LMO7: variants seen among roughly 807,000 people sequenced by gnomAD.
LMO7 encodes the protein LIM domain only protein 7.
In LMO7, 120 loss-of-function variants were observed where a neutral mutation model predicts 206.5. The observed-to-expected ratio is 0.58, with a 90% CI of 0.50 to 0.68. The LOEUF is 0.68. Ranked by LOEUF, LMO7 falls within the 30% of genes least tolerant of loss-of-function variation. The probability of loss-of-function intolerance (pLI) is 0.00; values close to 1 mark genes in which losing one functional copy is unlikely to be tolerated. For synonymous variants in LMO7, 706 were observed against 681.5 expected (o/e 1.04, Z -0.56); for missense variants, 1,959 against 1,957.9 (o/e 1.00, Z -0.01).
intron 11 of LMO7, among the ~76,000 whole-genome samples, chr13:75,815,991 C>G (rs560164737): frequency 6.6e-6 from 1 of 152,228 alleles, no homozygotes; most frequent in Non-Finnish European, 1.5e-5. Context: ...AAAATCCCTT[C>G]TAGATATTAT....
chr13:75,681,723 T>TATATATATATATAC (rs1296797184), intron 1 of LMO7, among the ~76,000 whole-genome samples: 2 of 100,100 alleles, frequency 2.0e-5, no homozygotes, highest in Admixed American at 2.0e-4. Context: ...TATATGTATA[T>TATATATATATATAC]ATATATATAT....
chr13:75,850,187 A>C (rs943577618), intron 27 of LMO7, among the ~76,000 whole-genome samples: 1 of 152,224 alleles, frequency 6.6e-6, no homozygotes, highest in Non-Finnish European at 1.5e-5. Flanking sequence ...AAGCCAATAA[A>C]CACAAAACAT....
chr13:75,816,220 G>A (rs1035254006), intron 11 of LMO7, among the ~76,000 whole-genome samples: 2 of 152,176 alleles, frequency 1.3e-5, no homozygotes, highest in South Asian at 4.1e-4. Flanking sequence ...GCAACATCTT[G>A]GAAGGCAAAA....
chr13:75,636,138 G>A (rs1349909872), upstream of LMO7: 2 of 232,128 alleles, frequency 8.6e-6, no homozygotes, highest in Non-Finnish European at 1.4e-5. Context: ...CCCGGGCCGC[G>A]GCCCCTGGCG....
chr13:75,769,894 T>C (rs1343538496), intron 4 of LMO7, among the ~76,000 whole-genome samples: 4 of 152,124 alleles, frequency 2.6e-5, no homozygotes, highest in Non-Finnish European at 5.9e-5. Flanking sequence ...TTTACTGAGA[T>C]ATGGAGAAAA....
intron 15 of LMO7, among the ~76,000 whole-genome samples, chr13:75,825,444 T>C (rs1047946395): frequency 1.3e-5 from 2 of 152,198 alleles, no homozygotes; most frequent in Non-Finnish European, 1.5e-5. Flanking sequence ...GAAAAGAGGC[T>C]AAGTGTGGTG....
intron 27 of LMO7, among the ~76,000 whole-genome samples, chr13:75,851,470 C>T (rs1190657530): frequency 3.3e-5 from 5 of 152,140 alleles, no homozygotes; most frequent in African/African-American, 9.7e-5. Context: ...GCAGGTGAGT[C>T]GTGAGACAGG....
chr13:75,625,163 A>G (rs2138687504), intron 2 of LMO7, among the ~76,000 whole-genome samples: 1 of 152,346 alleles, frequency 6.6e-6, no homozygotes, highest in East Asian at 1.9e-4. Context: ...TGGACAGTCT[A>G]AACACATAAT....
At chr13:75,818,228 A>G (rs924452060) in intron 12 of LMO7, among the ~76,000 whole-genome samples, 3 of 152,204 alleles carry the variant, frequency 2.0e-5, no homozygotes, top group African/African-American at 7.2e-5. Context: ...ATTAGGTTAA[A>G]TCAGATAAAA....
intron 1 of LMO7, among the ~76,000 whole-genome samples, chr13:75,638,702 G>T (rs1041699547): frequency 6.6e-6 from 1 of 152,068 alleles, no homozygotes; most frequent in African/African-American, 2.4e-5. Context: ...CACTGTTAGG[G>T]CTATTTTGTT....
chr13:75,651,765 C>G (rs1176565211), intron 1 of LMO7, among the ~76,000 whole-genome samples: 1 of 152,100 alleles, frequency 6.6e-6, no homozygotes, highest in Non-Finnish European at 1.5e-5. Context: ...CCACATTTGA[C>G]CTTGTCTGGG....
intron 6 of LMO7, among the ~76,000 whole-genome samples, chr13:75,798,107 AT>A (rs1335365724): frequency 2.0e-5 from 3 of 152,220 alleles, no homozygotes; most frequent in Non-Finnish European, 4.4e-5. Context: ...ACAGTGGCTC[AT>A]GCCTGTAATC....
intron 4 of LMO7, among the ~76,000 whole-genome samples, chr13:75,781,146 C>CT (rs1344131306): frequency 1.4e-5 from 1 of 69,502 alleles, no homozygotes; most frequent in East Asian, 4.7e-4. Context: ...TATTATTATA[C>CT]TTTAAGTTTT....
chr13:75,760,593 G>T, intron 3 of LMO7: 2 of 1,364,844 alleles, frequency 1.5e-6, no homozygotes, highest in South Asian at 3.9e-5. Context: ...GAAAGAGGGC[G>T]TTTGTTTGCA....
intron 2 of LMO7, among the ~76,000 whole-genome samples, chr13:75,624,176 C>T (rs2033720242): frequency 1.3e-5 from 2 of 152,188 alleles, no homozygotes; most frequent in South Asian, 4.1e-4. Flanking sequence ...TGTTGGCATA[C>T]CCTCTAGGTG....
chr13:75,774,956 A>G (rs777293910), intron 4 of LMO7, among the ~76,000 whole-genome samples: 3 of 152,148 alleles, frequency 2.0e-5, no homozygotes, highest in Non-Finnish European at 2.9e-5. Flanking sequence ...CTAATAAAAA[A>G]TAATGCGAGG....
At chr13:75,651,386 T>C (rs2037544951) in intron 1 of LMO7, among the ~76,000 whole-genome samples, 1 of 149,332 alleles carries the variant, frequency 6.7e-6, no homozygotes. Flanking sequence ...CTCAGCTCAC[T>C]GTGACTTCCG....
At chr13:75,621,966 A>T (rs2033355190) in intron 1 of LMO7, 8 of 753,856 alleles carry the variant, frequency 1.1e-5, no homozygotes, top group Non-Finnish European at 1.5e-5. Flanking sequence ...ATGTAGGTGG[A>T]AAAGAGGTCA....
chr13:75,636,601 G>A lies in LMO7; in HGVS notation c.-57G>A. On this transcript the variant is annotated 5_prime_UTR_variant, in exon 1 of 31. Transcript: ENST00000377534. ...CCGCCCGTGGGGCCCAGACGCGCGG[G>A]GACAACCCCTCCCCTCCACGCATCC... is the stretch of plus-strand genomic sequence containing the variant. 1.3e-6 allele frequency: 2 copies of A among 1,544,354 alleles called. No individual in the cohort carries two copies. The highest frequency in any genetic ancestry group is 1.7e-6 in the Non-Finnish European group (2 of 1,146,854).
Sources: gnomAD v4.1 joint callset for allele counts (sites outside exome capture counted in the v4.1 genomes callset) on GRCh38, gnomAD v4.1.1 for gene constraint, MANE v1.5 for transcripts, NCBI Gene and HGNC (gene_info 2026-07-23, HGNC 2026-07-21) for gene names.